The following PTPRC variants were observed in gnomAD, a reference collection of about 807,000 sequenced individuals.
PTPRC encodes the protein receptor-type tyrosine-protein phosphatase C.
In PTPRC, 44 loss-of-function variants were observed where a neutral mutation model predicts 155.9. The observed-to-expected ratio is 0.28, with a 90% confidence interval of 0.22 to 0.36. The LOEUF is 0.36. Ranked by LOEUF, PTPRC falls within the 10% of genes least tolerant of loss-of-function variation. The pLI is 1.00. For synonymous variants in PTPRC, 525 were observed against 533.1 expected, an observed-to-expected ratio of 0.98 and a Z score of 0.21; for missense variants, 1,401 against 1,564.6, an observed-to-expected ratio of 0.90 and a Z score of 1.76.
intron 2 of PTPRC, among the ~76,000 whole-genome samples, chr1:198,677,877 C>G (rs1037660521): frequency 6.6e-6 from 1 of 151,962 alleles, no homozygotes; most frequent in African/African-American, 2.4e-5. Context: ...CTTGGCTGAG[C>G]TAGGATTCAA....
intron 2 of PTPRC, among the ~76,000 whole-genome samples, chr1:198,640,510 T>C (rs2102165440): frequency 6.6e-6 from 1 of 152,062 alleles, no homozygotes; most frequent in African/African-American, 2.4e-5. Context: ...CTGTTTTGCT[T>C]TTTATTGCAA....
intron 2 of PTPRC, among the ~76,000 whole-genome samples, chr1:198,665,959 A>G (rs978277871): frequency 6.6e-6 from 1 of 152,162 alleles, no homozygotes; most frequent in Non-Finnish European, 1.5e-5. Context: ...ATCATCATTC[A>G]ATATGCTCAA....
rs532998247 is a variant in PTPRC at position 198,663,732 on chromosome 1, G to A, written c.73+24391G>A. Among the ~76,000 whole-genome samples the A allele has an allele frequency of 1.1e-3, 168 of 152,266 alleles. 1 individual carries two copies. The highest frequency in any genetic ancestry group is 3.7e-3 in the African/African-American group (153 of 41,548). ...TTTTCTCTGGGAAGAGTGATTAACC[G>A]CTTTGTGCCTCAGTTTCCTTATCTT... On this transcript the variant is annotated intron_variant, in intron 2 of 32. Coordinates refer to ENST00000442510, the MANE Select transcript of PTPRC (RefSeq NM_002838.5).
At chr1:198,653,445 T>C (rs1663368163) in intron 2 of PTPRC, among the ~76,000 whole-genome samples, 1 of 151,834 alleles carries the variant, frequency 6.6e-6, no homozygotes, top group African/African-American at 2.4e-5. Context: ...GAAATCTTGA[T>C]TAAAAAAACA....
chr1:198,642,366 ATCTG>A (rs374906215), intron 2 of PTPRC, among the ~76,000 whole-genome samples: 5,094 of 138,718 alleles, frequency 0.037, 163 homozygotes, highest in African/African-American at 0.1. Context: ...CAATCTATCT[ATCTG>A]TCTATCTATC....
intron 2 of PTPRC, among the ~76,000 whole-genome samples, chr1:198,651,715 A>G (rs1044106428): frequency 1.3e-5 from 2 of 152,026 alleles, no homozygotes; most frequent in Admixed American, 6.6e-5. Flanking sequence ...AACATAAGCA[A>G]ATTTGTTAAT....
intron 31 of PTPRC, among the ~76,000 whole-genome samples, chr1:198,754,068 A>G (rs1655508857): frequency 6.6e-6 from 1 of 152,114 alleles, no homozygotes; most frequent in Non-Finnish European, 1.5e-5. Flanking sequence ...TTTCAATTCC[A>G]GGATTATCAC....
chr1:198,712,933 C>A lies in PTPRC; in HGVS notation c.1172-20C>A. The stretch of plus-strand genomic sequence containing the variant: ...ATGTCTTATTTTTCATATTACATAA[C>A]ATTCTTATTCTTTTAACAGGTCCAG... On this transcript the variant is annotated intron_variant, in intron 11 of 32. Coordinates refer to ENST00000442510, the MANE Select transcript of PTPRC (RefSeq NM_002838.5). The A allele has an allele frequency of 1.2e-6, 2 of 1,604,330 alleles. No individual in the cohort carries two copies. Among genetic ancestry groups the A allele is most frequent in the South Asian group, 1.1e-5 (1 of 90,864 alleles).
In PTPRC at chr1:198,748,236, A is replaced by AAGTT. The variant is rs1655229856; in HGVS notation, c.2938+39_2938+42dup. 1.9e-6 allele frequency: 3 copies of AAGTT among 1,571,300 alleles called. No individual in the cohort carries two copies. The East Asian group carries it at 6.9e-5, about 36-fold the overall frequency. On this transcript the variant is annotated intron_variant, in intron 27 of 32. Coordinates refer to ENST00000442510, the MANE Select transcript of PTPRC (RefSeq NM_002838.5). ...ATTTTTTTATTTTTTGTATCAGATA[A>AAGTT]AGTTAAGCTCTTTTGGATTTGTTTA...
chr1:198,712,623 A>G (rs974534377), intron 11 of PTPRC, among the ~76,000 whole-genome samples: 2 of 152,200 alleles, frequency 1.3e-5, no homozygotes, highest in Admixed American at 6.5e-5. Context: ...GATTTTTAGC[A>G]CAGCAAAATC....
rs138327021 is a variant in PTPRC, at chr1:198,742,295, C to T, written c.2625C>T (p.Ala875=). The T allele has an allele frequency of 4.0e-4, 652 of 1,612,212 alleles. 1 individual carries two copies. Among genetic ancestry groups the T allele is most frequent in the East Asian group, 2.3e-3 (104 of 44,790 alleles). ...GIDAMLEGLE[A]ENKVDVYGYV... is the part of the protein sequence containing the mutation. ...ATGCCATGCTAGAAGGCCTGGAAGCCGAGAACAAAGTGGATGTTTATGGTT... is the reference window on the plus strand; with the variant it reads ...ATGCCATGCTAGAAGGCCTGGAAGCTGAGAACAAAGTGGATGTTTATGGTT... The change falls in exon 25 of 33, where the codon GCC becomes GCT. Residue 875 remains alanine, a synonymous_variant. Transcript: ENST00000442510.
chr1:198,639,163 C>A (rs1662428554), intron 1 of PTPRC, 26 bp downstream of exon 1: 2 of 900,598 alleles, frequency 2.2e-6, no homozygotes, highest in Admixed American at 1.7e-5. Flanking sequence ...TTTACTTTTA[C>A]ATTTTTGATT....
intron 2 of PTPRC, among the ~76,000 whole-genome samples, chr1:198,643,814 G>C (rs1218676163): frequency 2.6e-5 from 4 of 151,972 alleles, no homozygotes; most frequent in African/African-American, 4.8e-5. Flanking sequence ...GTCCAGTCAT[G>C]GCAATTGCTG....
chr1:198,645,274 T>A (rs957681754), intron 2 of PTPRC, among the ~76,000 whole-genome samples: 1 of 151,808 alleles, frequency 6.6e-6, no homozygotes, highest in Admixed American at 6.6e-5. Context: ...CAAATAACAA[T>A]GATGCTAAGA....
At chr1:198,738,905 C>G (rs542735714) in intron 23 of PTPRC, among the ~76,000 whole-genome samples, 1 of 151,662 alleles carries the variant, frequency 6.6e-6, no homozygotes, top group East Asian at 2.0e-4. Flanking sequence ...CAAAATAACA[C>G]ATGAATTGAA....
At chr1:198,738,155 T>C (rs186540138) in intron 23 of PTPRC, among the ~76,000 whole-genome samples, 1 of 151,812 alleles carries the variant, frequency 6.6e-6, no homozygotes, top group African/African-American at 2.4e-5. Flanking sequence ...TGTTTCTTTC[T>C]CTTGTCTGAT....
At chr1:198,678,526 G>A (rs548656235) in intron 2 of PTPRC, among the ~76,000 whole-genome samples, 1 of 152,230 alleles carries the variant, frequency 6.6e-6, no homozygotes, top group Admixed American at 6.5e-5. Context: ...CCCAACAAAA[G>A]CAAAGCCACT....
At chr1:198,679,008 T>C (rs775986979) in intron 2 of PTPRC, 1 of 204,464 alleles carries the variant, frequency 4.9e-6, no homozygotes, top group South Asian at 8.0e-5. Flanking sequence ...CCCTAAACCA[T>C]CTGACTGCTC....
chr1:198,674,956 C>T (rs1487305073), intron 2 of PTPRC, among the ~76,000 whole-genome samples: 1 of 152,168 alleles, frequency 6.6e-6, no homozygotes, highest in Non-Finnish European at 1.5e-5. Flanking sequence ...CCTGCTACAG[C>T]ATCCAATCTA....
Sources: allele counts gnomAD v4.1 joint callset (sites outside exome capture counted in the v4.1 genomes callset), GRCh38; gene constraint gnomAD v4.1.1; transcripts MANE v1.5; gene names NCBI Gene and HGNC (gene_info 2026-07-23, HGNC 2026-07-21).